The following NUBPL variants were observed in gnomAD, a reference collection of about 807,000 sequenced individuals.
The protein encoded by NUBPL is NUBP iron-sulfur cluster assembly factor, mitochondrial.
A neutral mutation model predicts 45.7 loss-of-function variants in NUBPL; 31 were observed. The observed-to-expected ratio is 0.68, with a 90% CI of 0.51 to 0.92. The LOEUF (loss-of-function observed/expected upper bound fraction) is 0.92. Ranked by LOEUF, NUBPL falls within the 40% of genes least tolerant of loss-of-function variation. The pLI, the probability that NUBPL is intolerant of heterozygous loss-of-function variation, is 0.00. For synonymous variants in NUBPL, 144 were observed against 140.9 expected (o/e 1.02, Z -0.15); for missense variants, 401 against 398.7 (o/e 1.01, Z -0.05).
At chr14:31,858,177 T>C (rs1300217886) in intron 10 of NUBPL, among the ~76,000 whole-genome samples, 1 of 152,122 alleles carries the variant, frequency 6.6e-6, no homozygotes, top group Non-Finnish European at 1.5e-5. Flanking sequence ...ACTCCTGTTA[T>C]TAAAGCTATC....
chr14:31,686,435 G>C (rs1054643974), intron 6 of NUBPL, among the ~76,000 whole-genome samples: 1 of 152,192 alleles, frequency 6.6e-6, no homozygotes, highest in East Asian at 1.9e-4. Context: ...GGATAAGTTG[G>C]TTGTGTTCAG....
intron 6 of NUBPL, among the ~76,000 whole-genome samples, chr14:31,783,312 G>A (rs769523656): frequency 6.6e-6 from 1 of 151,914 alleles, no homozygotes; most frequent in Non-Finnish European, 1.5e-5. Flanking sequence ...TCCTAATTCA[G>A]TACTTACTTC....
intron 10 of NUBPL, among the ~76,000 whole-genome samples, chr14:31,856,848 C>G (rs895590045): frequency 1.3e-5 from 2 of 152,178 alleles, no homozygotes; most frequent in Non-Finnish European, 1.5e-5. Flanking sequence ...AGCCTCCCTC[C>G]CGGCTGCCTT....
intron 6 of NUBPL, among the ~76,000 whole-genome samples, chr14:31,759,077 A>AC (rs1284053238): frequency 6.6e-6 from 1 of 152,134 alleles, no homozygotes; most frequent in Non-Finnish European, 1.5e-5. Context: ...TTTAAAAAAA[A>AC]CAAAAAACAA....
chr14:31,589,353 TTGAG>T (rs1274508286), intron 3 of NUBPL, among the ~76,000 whole-genome samples: 5 of 152,154 alleles, frequency 3.3e-5, no homozygotes, highest in Admixed American at 1.3e-4. Context: ...ACATCTGTGA[TTGAG>T]TAAGTTATCT....
intron 6 of NUBPL, among the ~76,000 whole-genome samples, chr14:31,679,750 C>T (rs2036786179): frequency 6.6e-6 from 1 of 151,954 alleles, no homozygotes; most frequent in South Asian, 2.1e-4. Flanking sequence ...TTTTACTTTT[C>T]TATGTATTTT....
intron 6 of NUBPL, among the ~76,000 whole-genome samples, chr14:31,771,301 A>G (rs372663344): frequency 5.3e-5 from 8 of 152,220 alleles, no homozygotes; most frequent in African/African-American, 1.9e-4. Context: ...AAACATATTC[A>G]GAAATAAACG....
At chr14:31,823,259 A>C (rs910378998) in intron 7 of NUBPL, among the ~76,000 whole-genome samples, 1 of 152,118 alleles carries the variant, frequency 6.6e-6, no homozygotes. Context: ...TCTTTTGCTA[A>C]GTGCCTGTTT....
rs187030312 is a variant in NUBPL, at chr14:31,722,305, C to T, written c.513+48731C>T. Among the ~76,000 whole-genome samples the T allele has an allele frequency of 9.2e-5, 14 of 152,230 alleles. No individual in the cohort carries two copies. In the East Asian group the frequency reaches 1.7e-3, roughly 19 times the overall value. ...GATTACAGGCATAAGCCACCACGCC[C>T]GGCCATGTACCACATTTTATTTATT... On this transcript the variant is annotated intron_variant, in intron 6 of 10. Coordinates refer to ENST00000281081, the MANE Select transcript of NUBPL (RefSeq NM_025152.3).
At chr14:31,835,159 T>C (rs1952838673) in intron 8 of NUBPL, among the ~76,000 whole-genome samples, 1 of 152,180 alleles carries the variant, frequency 6.6e-6, no homozygotes, top group African/African-American at 2.4e-5. Flanking sequence ...GAGAAAGGAA[T>C]GAAGCCTAAG....
chr14:31,757,199 G>A (rs12588233), intron 6 of NUBPL, among the ~76,000 whole-genome samples: 11,274 of 89,740 alleles, frequency 0.13, 659 homozygotes, highest in East Asian at 0.27. Context: ...TTGGTATCAG[G>A]ATGATGCTGG....
At chr14:31,632,850 G>T (rs570148066) in intron 4 of NUBPL, among the ~76,000 whole-genome samples, 2 of 152,312 alleles carry the variant, frequency 1.3e-5, no homozygotes, top group Admixed American at 6.5e-5. Context: ...CATAGGGAAA[G>T]AAGAAAATAT....
intron 4 of NUBPL, among the ~76,000 whole-genome samples, chr14:31,644,629 T>C (rs1034496352): frequency 1.3e-5 from 2 of 152,112 alleles, no homozygotes; most frequent in African/African-American, 4.8e-5. Flanking sequence ...TGTTCTACAG[T>C]TGTTGGGTGA....
chr14:31,597,274 G>A (rs374320530), intron 3 of NUBPL, among the ~76,000 whole-genome samples: 20 of 152,240 alleles, frequency 1.3e-4, no homozygotes, highest in South Asian at 1.2e-3. Flanking sequence ...AGAAGAATTC[G>A]AAAATCTTGT....
intron 4 of NUBPL, among the ~76,000 whole-genome samples, chr14:31,610,943 A>G (rs2034740446): frequency 1.3e-5 from 2 of 152,134 alleles, no homozygotes; most frequent in African/African-American, 4.8e-5. Flanking sequence ...CATAATAAAC[A>G]GCATGTATGA....
intron 6 of NUBPL, among the ~76,000 whole-genome samples, chr14:31,710,848 C>T (rs1057160722): frequency 4.6e-5 from 7 of 152,134 alleles, no homozygotes; most frequent in South Asian, 2.1e-4. Context: ...CCTAAAATTC[C>T]GGATAGTTCC....
intron 6 of NUBPL, among the ~76,000 whole-genome samples, chr14:31,701,408 G>T (rs1407434176): frequency 6.6e-6 from 1 of 152,230 alleles, no homozygotes; most frequent in Non-Finnish European, 1.5e-5. Flanking sequence ...CAATCAGCAG[G>T]ATGTGGGTGG....
chr14:31,736,048 A>C (rs551081904), intron 6 of NUBPL, among the ~76,000 whole-genome samples: 1 of 152,260 alleles, frequency 6.6e-6, no homozygotes, highest in East Asian at 1.9e-4. Context: ...AGTCTTCCTA[A>C]CTTTTCCTCA....
chr14:31,854,999 A>G (rs1393583595), intron 10 of NUBPL, among the ~76,000 whole-genome samples: 1 of 152,206 alleles, frequency 6.6e-6, no homozygotes, highest in Non-Finnish European at 1.5e-5. Flanking sequence ...CAAAGTTTGG[A>G]GATAGTCCAT....
Sources: allele counts gnomAD v4.1 joint callset (sites outside exome capture counted in the v4.1 genomes callset), GRCh38; gene constraint gnomAD v4.1.1; transcripts MANE v1.5; gene names NCBI Gene and HGNC (gene_info 2026-07-23, HGNC 2026-07-21).